Variants in DOCK7 observed in about 807,000 individuals in gnomAD.
DOCK7 encodes dedicator of cytokinesis 7, also known as dedicator of cytokinesis protein 7.
In DOCK7, 138 loss-of-function variants were observed where a neutral mutation model predicts 271.0. The ratio of observed to expected loss-of-function variants is 0.51; its 90% confidence interval spans 0.44 to 0.59. The LOEUF is 0.59. Ranked by LOEUF, DOCK7 falls within the 20% of genes least tolerant of loss-of-function variation. The pLI, the probability that DOCK7 is intolerant of heterozygous loss-of-function variation, is 0.00. For synonymous variants in DOCK7, 823 were observed against 876.1 expected, an observed-to-expected ratio of 0.94 and a Z score of 1.07; for missense variants, 2,066 against 2,592.4, an observed-to-expected ratio of 0.80 and a Z score of 4.41.
intron 7 of DOCK7, among the ~76,000 whole-genome samples, chr1:62,641,868 C>A (rs375326442): frequency 2.6e-5 from 4 of 152,234 alleles, no homozygotes; most frequent in African/African-American, 9.6e-5. Flanking sequence ...TAATATTGTT[C>A]CCTCAGCTTT....
chr1:62,636,532 C>G lies in DOCK7; in HGVS notation c.885+5G>C. 1.3e-6 allele frequency: 2 copies of G among 1,590,702 alleles called. No individual in the cohort carries two copies. Among genetic ancestry groups the G allele is most frequent in the Non-Finnish European group, 1.7e-6 (2 of 1,164,398 alleles). ...AATAACTATGGTCAAATTATATAAT[C>G]TTACCTTTTTCTTTTCCTTGACATC... On this transcript the variant is annotated splice_donor_5th_base_variant and intron_variant, in intron 8 of 49. Coordinates refer to ENST00000635253, the MANE Select transcript of DOCK7 (RefSeq NM_001367561.1).
chr1:62,680,257 T>C (rs1660968147), intron 1 of DOCK7, among the ~76,000 whole-genome samples: 1 of 152,204 alleles, frequency 6.6e-6, no homozygotes, highest in African/African-American at 2.4e-5. Flanking sequence ...ATCTGATCTT[T>C]GACAAACCTG....
At chr1:62,496,286 G>A in intron 38 of DOCK7, 53 bp downstream of exon 38, 1 of 1,580,114 alleles carries the variant, frequency 6.3e-7, no homozygotes, top group Non-Finnish European at 8.6e-7. Flanking sequence ...TTTGGAAAGT[G>A]CCTATTTAAC....
At chr1:62,500,790 C>T (rs1354440422) in intron 37 of DOCK7, among the ~76,000 whole-genome samples, 1 of 152,094 alleles carries the variant, frequency 6.6e-6, no homozygotes, top group Non-Finnish European at 1.5e-5. Flanking sequence ...TGATTTTTCT[C>T]GTGCTTATTA....
intron 40 of DOCK7, among the ~76,000 whole-genome samples, chr1:62,493,810 C>G (rs1359387386): frequency 6.6e-5 from 10 of 152,166 alleles, no homozygotes; most frequent in Admixed American, 5.9e-4. Flanking sequence ...GAGAATTCAA[C>G]TAGTGGGTCA....
intron 22 of DOCK7, among the ~76,000 whole-genome samples, chr1:62,548,160 AT>A (rs1409833497): frequency 6.6e-6 from 1 of 152,120 alleles, no homozygotes. Flanking sequence ...CTAAAAAAAA[AT>A]CAACATAAGA....
intron 14 of DOCK7, among the ~76,000 whole-genome samples, chr1:62,614,588 T>C (rs1341508695): frequency 1.3e-5 from 2 of 152,090 alleles, no homozygotes; most frequent in East Asian, 1.9e-4. Context: ...TCAAGTTGTA[T>C]AGTGCATGAG....
chr1:62,468,222 G>A (rs566363836), intron 48 of DOCK7, among the ~76,000 whole-genome samples: 174 of 152,052 alleles, frequency 1.1e-3, no homozygotes, highest in African/African-American at 3.6e-3. Context: ...TTAGCCAGGC[G>A]TGGTGGCAGG....
At chr1:62,490,876 G>A (rs556032885) in intron 41 of DOCK7, among the ~76,000 whole-genome samples, 1 of 152,164 alleles carries the variant, frequency 6.6e-6, no homozygotes, top group Non-Finnish European at 1.5e-5. Flanking sequence ...GTCCTTAGAG[G>A]CAAACATTTT....
intron 14 of DOCK7, among the ~76,000 whole-genome samples, chr1:62,590,517 G>T (rs1648281629): frequency 6.6e-6 from 1 of 152,152 alleles, no homozygotes; most frequent in African/African-American, 2.4e-5. Flanking sequence ...TAGGTACTGA[G>T]AATAGAGATA....
At chr1:62,463,494 A>C (rs1181191257) in intron 48 of DOCK7, among the ~76,000 whole-genome samples, 1 of 152,192 alleles carries the variant, frequency 6.6e-6, no homozygotes, top group Non-Finnish European at 1.5e-5. Context: ...ATGTATGTCC[A>C]GAAATAAGGT....
intron 37 of DOCK7, 67 bp downstream of exon 37, chr1:62,504,561 ATT>A: frequency 6.7e-7 from 1 of 1,498,202 alleles, no homozygotes; most frequent in Non-Finnish European, 9.0e-7. Flanking sequence ...CCAAAAACTG[ATT>A]TAATAACTAT....
intron 1 of DOCK7, among the ~76,000 whole-genome samples, chr1:62,671,063 C>G (rs1293015657): frequency 1.3e-5 from 2 of 152,012 alleles, no homozygotes; most frequent in Non-Finnish European, 2.9e-5. Flanking sequence ...ACACTCACCG[C>G]AAAGGTCTGC....
intron 31 of DOCK7, among the ~76,000 whole-genome samples, chr1:62,515,500 T>G (rs1269107904): frequency 6.6e-6 from 1 of 152,198 alleles, no homozygotes; most frequent in Non-Finnish European, 1.5e-5. Flanking sequence ...TTTTTAGAAA[T>G]ACAATAAAAA....
intron 48 of DOCK7, 90 bp from the exon 49 acceptor site, chr1:62,457,795 A>T: frequency 8.1e-7 from 1 of 1,233,830 alleles, no homozygotes; most frequent in Non-Finnish European, 1.1e-6. Context: ...ATACATATAT[A>T]TGTGGGCTTA....
intron 37 of DOCK7, 148 bp downstream of exon 37, chr1:62,504,482 T>C: frequency 2.3e-6 from 2 of 856,922 alleles, no homozygotes; most frequent in Non-Finnish European, 1.7e-6. Flanking sequence ...TTGTAAGATA[T>C]ACACAGAATG....
intron 37 of DOCK7, among the ~76,000 whole-genome samples, chr1:62,497,830 C>G (rs1318022962): frequency 1.3e-5 from 2 of 152,158 alleles, no homozygotes; most frequent in Non-Finnish European, 2.9e-5. Flanking sequence ...TTAAAGAATT[C>G]AACTCAGTAA....
intron 37 of DOCK7, 106 bp from the exon 38 acceptor site, chr1:62,496,603 G>A: frequency 9.4e-7 from 1 of 1,060,552 alleles, no homozygotes; most frequent in Non-Finnish European, 1.3e-6. Context: ...ACCATTCTAA[G>A]CAAAATATTT....
chr1:62,621,179 GGGAGGAGGAATA>G (rs1653186603), intron 12 of DOCK7, among the ~76,000 whole-genome samples: 1 of 151,790 alleles, frequency 6.6e-6, no homozygotes. Context: ...GGGAGGGAGG[GGGAGGAGGAATA>G]GGAGGAGGAA....
Sources: gnomAD v4.1 joint callset for allele counts (sites outside exome capture counted in the v4.1 genomes callset) on GRCh38, gnomAD v4.1.1 for gene constraint, MANE v1.5 for transcripts, NCBI Gene and HGNC (gene_info 2026-07-23, HGNC 2026-07-21) for gene names.